Variants in COL27A1 observed in about 807,000 individuals in gnomAD.
The protein encoded by COL27A1 is collagen alpha-1(XXVII) chain.
In COL27A1, 106 loss-of-function variants were observed where a neutral mutation model predicts 251.3. The ratio of observed to expected loss-of-function variants is 0.42; its 90% CI spans 0.36 to 0.50. The LOEUF (loss-of-function observed/expected upper bound fraction) is 0.50. Ranked by LOEUF, COL27A1 falls within the 20% of genes least tolerant of loss-of-function variation. COL27A1 has a pLI of 0.00. For synonymous variants in COL27A1, 1,000 were observed against 986.3 expected (o/e 1.01, Z -0.26); for missense variants, 2,325 against 2,522.8 (o/e 0.92, Z 1.68).
chr9:114,230,801 A>G (rs376777672), intron 14 of COL27A1, among the ~76,000 whole-genome samples: 72 of 152,372 alleles, frequency 4.7e-4, no homozygotes, highest in African/African-American at 1.6e-3. Flanking sequence ...CGGGGTAAAG[A>G]ATCAGATATA....
rs746130214 is a variant in COL27A1, at chr9:114,258,594, G to C, written c.3195G>C (p.Arg1065=). The change falls in exon 28 of 61, where the codon CGG becomes CGC. Residue 1065 remains arginine (R), a splice_region_variant and synonymous_variant. Coordinates refer to ENST00000356083, the MANE Select transcript of COL27A1 (RefSeq NM_032888.4). ...GCATGAGGGGAGCAAAGGGACGTCGGGTAAGTCGAGCCCAGCTCCTGGGGG... is the reference window on the plus strand; with the variant it reads ...GCATGAGGGGAGCAAAGGGACGTCGCGTAAGTCGAGCCCAGCTCCTGGGGG... The part of the protein sequence containing the change: ...PPGMRGAKGR[R]GPRGPDGPAG... The C allele has an allele frequency of 1.2e-5, 20 of 1,613,798 alleles. No homozygotes were observed. Among genetic ancestry groups the C allele is most frequent in the East Asian group, 2.2e-5 (1 of 44,896 alleles).
At position 114,264,906 on chromosome 9, in the gene COL27A1, G is replaced by A. The variant is rs190841467; in HGVS notation, c.3250-18G>A. On this transcript the variant is annotated intron_variant, in intron 29 of 60. Coordinates refer to ENST00000356083, the MANE Select transcript of COL27A1 (RefSeq NM_032888.4). Reference sequence around the variant, plus strand: ...CCCAAGCACCCTCTCCCACCTTCACGTGCTCTGCTTCCCACAGGGCCCTCC... The same window carrying A: ...CCCAAGCACCCTCTCCCACCTTCACATGCTCTGCTTCCCACAGGGCCCTCC... 727 of 1,608,966 alleles carry A rather than the reference G, an allele frequency of 4.5e-4. 4 individuals are homozygous for A. The African/African-American group carries it at 8.5e-3, about 19-fold the overall frequency.
At chr9:114,208,680 G>A (rs1830142802) in intron 10 of COL27A1, among the ~76,000 whole-genome samples, 1 of 152,064 alleles carries the variant, frequency 6.6e-6, no homozygotes, top group African/African-American at 2.4e-5. Context: ...GAAGTTCCCA[G>A]GCTAATGAGG....
intron 27 of COL27A1, among the ~76,000 whole-genome samples, chr9:114,257,990 G>A (rs1158786814): frequency 1.3e-5 from 2 of 152,094 alleles, no homozygotes; most frequent in African/African-American, 4.8e-5. Context: ...TTGAGCCTAG[G>A]AGTTTGAGAT....
intron 39 of COL27A1, 117 bp downstream of exon 39, chr9:114,282,681 A>C (rs962367681): frequency 3.1e-6 from 2 of 653,038 alleles, no homozygotes; most frequent in Admixed American, 3.4e-5. Context: ...TATTAGCTGA[A>C]CACCTGGTGC....
intron 56 of COL27A1, among the ~76,000 whole-genome samples, chr9:114,304,288 T>A (rs982284596): frequency 6.0e-4 from 92 of 152,288 alleles, no homozygotes; most frequent in African/African-American, 2.0e-3. Flanking sequence ...AGAAGTACTA[T>A]AGTGCGGCTG....
chr9:114,184,429 G>A (rs143681230), intron 5 of COL27A1, among the ~76,000 whole-genome samples: 210 of 152,346 alleles, frequency 1.4e-3, no homozygotes, highest in African/African-American at 4.5e-3. Context: ...TGGGCATATG[G>A]ATCTGTGGTG....
In COL27A1 at chr9:114,288,982, G is replaced by A. The variant is rs780462897; in HGVS notation, c.4152+15G>A. 6 of 1,613,488 alleles carry A rather than the reference G, an allele frequency of 3.7e-6. No individual in the cohort carries two copies. Among genetic ancestry groups the A allele is most frequent in the Admixed American group, 3.3e-5 (2 of 60,018 alleles). On this transcript the variant is annotated intron_variant, in intron 44 of 60. Coordinates refer to ENST00000356083, the MANE Select transcript of COL27A1 (RefSeq NM_032888.4). Reference sequence around the variant, plus strand: ...AGGGCCAACCCGTGAGTGGTGCTTCGTGTCCCATCCCTGCCTCCCACCCTG... The same window carrying A: ...AGGGCCAACCCGTGAGTGGTGCTTCATGTCCCATCCCTGCCTCCCACCCTG...
chr9:114,162,522 G>C (rs1318730561), intron 1 of COL27A1, among the ~76,000 whole-genome samples, 193 bp from the exon 2 acceptor site: 1 of 152,146 alleles, frequency 6.6e-6, no homozygotes, highest in South Asian at 2.1e-4. Flanking sequence ...CTCACTGAGA[G>C]GCTGTGCCTG....
At chr9:114,226,585 A>C (rs1464175582) in intron 14 of COL27A1, among the ~76,000 whole-genome samples, 1 of 152,234 alleles carries the variant, frequency 6.6e-6, no homozygotes, top group Non-Finnish European at 1.5e-5. Context: ...GGGCAGTGCC[A>C]GGGCTGTTCT....
chr9:114,301,368 G>A (rs1828615612), intron 53 of COL27A1, 49 bp downstream of exon 53: 1 of 1,601,856 alleles, frequency 6.2e-7, no homozygotes, highest in Non-Finnish European at 8.5e-7. Flanking sequence ...AGGGGCGGGG[G>A]AGGGGTGGGC....
At chr9:114,178,245 C>T in intron 3 of COL27A1, 46 bp from the exon 4 acceptor site, 2 of 1,522,640 alleles carry the variant, frequency 1.3e-6, no homozygotes, top group Non-Finnish European at 1.8e-6. Flanking sequence ...CCATTCTCTG[C>T]TGCCAGTGGG....
In COL27A1 at chr9:114,187,353, G is replaced by A. The variant is rs143040549; in HGVS notation, c.2016+4278G>A. On this transcript the variant is annotated intron_variant, in intron 5 of 60. Coordinates refer to ENST00000356083, the MANE Select transcript of COL27A1 (RefSeq NM_032888.4). ...GTCCAGAAGATGTCAAGAAGAAAGTGAGCTATCTGTAGTGGTCCTGCCCAG... is the reference window on the plus strand; with the variant it reads ...GTCCAGAAGATGTCAAGAAGAAAGTAAGCTATCTGTAGTGGTCCTGCCCAG... Among the ~76,000 whole-genome samples the A allele has an allele frequency of 7.9e-3, 1,211 of 152,380 alleles. 11 individuals are homozygous for A. The highest frequency in any genetic ancestry group is 0.021 in the South Asian group (103 of 4,828).
intron 5 of COL27A1, among the ~76,000 whole-genome samples, chr9:114,191,612 C>T (rs186489950): frequency 8.5e-5 from 13 of 152,314 alleles, no homozygotes; most frequent in Admixed American, 4.6e-4. Flanking sequence ...CTTTTTATGG[C>T]TGCATAGTAT....
At position 114,155,543 on chromosome 9, in the gene COL27A1, C is replaced by T. The variant is rs1336650511; in HGVS notation, c.-408C>T. 1 of 152,218 alleles carries T rather than the reference C, an allele frequency of 6.6e-6. No homozygotes were observed. Among genetic ancestry groups the T allele is most frequent in the East Asian group, 1.9e-4 (1 of 5,176 alleles). The allele number at this position is 152,218 out of a possible 1,614,324, so 9.4% of individuals were successfully genotyped here. A position where few individuals can be genotyped will look rare whatever the true frequency, so the allele number is the denominator to read the frequency against. On this transcript the variant is annotated 5_prime_UTR_variant, in exon 1 of 61. Coordinates refer to ENST00000356083, the MANE Select transcript of COL27A1 (RefSeq NM_032888.4). This position sits in a 1 kb window ranked among gnomAD's most constrained non-coding sequence, Gnocchi z 5.5. ...TCATTTCCCCCAAATCCTTCCTTTT[C>T]CTCTCCTCCCCCAGGCCGGCGGGGA...
At position 114,290,722 on chromosome 9, in the gene COL27A1, C is replaced by T; in HGVS notation, c.4369-88C>T. ...AGTGTGACCCCTTCCTCCAGCTTCA[C>T]CCAGGGTTTGCCCAGGCGTTGAGCC... On this transcript the variant is annotated intron_variant, in intron 47 of 60. Coordinates refer to ENST00000356083, the MANE Select transcript of COL27A1 (RefSeq NM_032888.4). The surrounding 1 kb of genome is among the most constrained non-coding windows in gnomAD (Gnocchi z 4.6). 1.0e-6 allele frequency: 1 copy of T among 997,618 alleles called. No individual in the cohort carries two copies. The allele number at this position is 997,618 out of a possible 1,614,324, so 61.8% of individuals were successfully genotyped here. A position where few individuals can be genotyped will look rare whatever the true frequency, so the allele number is the denominator to read the frequency against.
intron 9 of COL27A1, among the ~76,000 whole-genome samples, chr9:114,206,036 C>T (rs1829933596): frequency 6.6e-6 from 1 of 152,146 alleles, no homozygotes; most frequent in South Asian, 2.1e-4. Flanking sequence ...GGGGCTGGGG[C>T]TCCAGAGGCT....
At position 114,290,162 on chromosome 9, in the gene COL27A1, C is replaced by CA; in HGVS notation, c.4260+52dup. On this transcript the variant is annotated intron_variant, in intron 46 of 60. Coordinates refer to ENST00000356083, the MANE Select transcript of COL27A1 (RefSeq NM_032888.4). This position sits in a 1 kb window ranked among gnomAD's most constrained non-coding sequence, Gnocchi z 4.6. ...AGCCAACCTCCCTGCCCGCCCCCCA[C>CA]ACCCGCCCTCCTCCCACTCCCTGCA... The CA allele has an allele frequency of 1.3e-6, 2 of 1,584,522 alleles. No individual in the cohort carries two copies. The highest frequency in any genetic ancestry group is 1.7e-6 in the Non-Finnish European group (2 of 1,159,276).
At chr9:114,307,638 A>G (rs750338206) in intron 58 of COL27A1, 31 bp from the exon 59 acceptor site, 1 of 1,465,226 alleles carries the variant, frequency 6.8e-7, no homozygotes, top group Non-Finnish European at 9.6e-7. Flanking sequence ...CCCCAGATAC[A>G]TACATCACCT....
Sources: gnomAD v4.1 joint callset for allele counts (sites outside exome capture counted in the v4.1 genomes callset) on GRCh38, gnomAD v4.1.1 for gene constraint, Gnocchi (gnomAD v3.1) non-coding constraint, MANE v1.5 for transcripts, NCBI Gene and HGNC (gene_info 2026-07-23, HGNC 2026-07-21) for gene names.